Variants in GMPS observed in about 807,000 individuals in gnomAD.
The protein encoded by GMPS is guanosine monophosphate synthase.
In GMPS, 15 loss-of-function variants were observed where a neutral mutation model predicts 77.9. The ratio of observed to expected loss-of-function variants is 0.19; its 90% CI spans 0.13 to 0.30. GMPS has a LOEUF of 0.30. Among genes scored for constraint, GMPS ranks in the 10% least tolerant of loss-of-function variants. GMPS has a pLI of 1.00. For missense variants in GMPS, 590 were observed against 838.8 expected (o/e 0.70, Z 3.66); for synonymous variants, 224 against 275.9 (o/e 0.81, Z 1.86).
Position 155,942,014 on chromosome 3 carries a change from G to C in GMPS, c.*4322G>C, listed in dbSNP as rs1343625796. On this transcript the variant is annotated 3_prime_UTR_variant, in exon 16 of 16. Coordinates refer to ENST00000496455, the MANE Select transcript of GMPS (RefSeq NM_003875.3). ...GATGCGTATTATTACATAACCTGAGGAGTTAAAAAATACAATAACCAGATG... is the reference window on the plus strand; with the variant it reads ...GATGCGTATTATTACATAACCTGAGCAGTTAAAAAATACAATAACCAGATG... 1 of 205,936 alleles carries C rather than the reference G, an allele frequency of 4.9e-6. No individual in the cohort carries two copies. The highest frequency in any genetic ancestry group is 9.9e-6 in the Non-Finnish European group (1 of 101,054). The allele number at this position is 205,936 out of a possible 1,614,324, so 12.8% of individuals were successfully genotyped here.
upstream of GMPS, chr3:155,870,526 C>T (rs1753875165): frequency 4.1e-6 from 1 of 245,198 alleles, no homozygotes; most frequent in African/African-American, 2.2e-5. Context: ...CGCCGCGAGC[C>T]CCTCCTCTCG....
At chr3:155,934,827 C>T in intron 13 of GMPS, 89 bp from the exon 14 acceptor site, 1 of 827,440 alleles carries the variant, frequency 1.2e-6, no homozygotes, top group Admixed American at 2.1e-5. Context: ...AAGAATGTTA[C>T]TGTTCTAAGT....
chr3:155,873,638 C>CTTTTTTTCTTTTTTTTTTT (rs1753955012), intron 1 of GMPS, among the ~76,000 whole-genome samples: 1 of 82,576 alleles, frequency 1.2e-5, no homozygotes, highest in Non-Finnish European at 2.2e-5. Flanking sequence ...TGAGTAAGTT[C>CTTTTTTTCTTTTTTTTTTT]TTTTTTTTTT....
intron 5 of GMPS, 124 bp from the exon 6 acceptor site, chr3:155,910,568 C>CA (rs772197752): frequency 0.093 from 24,654 of 264,076 alleles, 215 homozygotes; most frequent in African/African-American, 0.15. Flanking sequence ...GACTCTGTCT[C>CA]AAAAAAAAAA....
In GMPS at chr3:155,922,209, A is replaced by G; in HGVS notation, c.1341A>G (p.Val447=). ...PFPGPGLAIR[V]ICAEEPYICK... ...TAGGTCCTGGCCTGGCAATCAGAGTAATATGTGCTGAAGAACCTTATATTT... is the reference window on the plus strand; with the variant it reads ...TAGGTCCTGGCCTGGCAATCAGAGTGATATGTGCTGAAGAACCTTATATTT... Residue 447 remains valine, a synonymous_variant, in exon 11 of 16, where the codon GTA becomes GTG. Transcript: ENST00000496455. 4 of 1,540,178 alleles carry G rather than the reference A, an allele frequency of 2.6e-6. No individual in the cohort carries two copies. Among genetic ancestry groups the G allele is most frequent in the Non-Finnish European group, 3.5e-6 (4 of 1,134,284 alleles).
intron 1 of GMPS, among the ~76,000 whole-genome samples, chr3:155,873,638 C>CTT (rs58365650): frequency 6.1e-5 from 5 of 82,574 alleles, no homozygotes; most frequent in East Asian, 7.8e-4. Flanking sequence ...TGAGTAAGTT[C>CTT]TTTTTTTTTT....
In GMPS at chr3:155,882,100, G is replaced by T. The variant is rs373871168; in HGVS notation, c.27+11203G>T. 1.3e-4 allele frequency among the ~76,000 whole-genome samples: 20 copies of T among 152,154 alleles called. No homozygotes were observed. The South Asian group carries it at 1.5e-3, about 11-fold the overall frequency. On this transcript the variant is annotated intron_variant, in intron 1 of 15. Coordinates refer to ENST00000496455, the MANE Select transcript of GMPS (RefSeq NM_003875.3). ...ATAAAAATAAATGAAGACTGATTAA[G>T]ACTTGGTGTACTATGACTTCTGCCC...
rs1560057382 is a variant in GMPS at position 155,940,419 on chromosome 3, AC to A, written c.*2728del. 4.9e-6 allele frequency: 1 copy of A among 206,096 alleles called. No homozygotes were observed. The highest frequency in any genetic ancestry group is 6.0e-5 in the Admixed American group (1 of 16,764). The allele number at this position is 206,096 out of a possible 1,614,324, so 12.8% of individuals were successfully genotyped here. On this transcript the variant is annotated 3_prime_UTR_variant, in exon 16 of 16. Transcript: ENST00000496455. ...TTTAAATCCCTTAATCTTGAGGTAA[AC>A]TGCATGCATTTAGTCAAACAAGCAT...
intron 1 of GMPS, among the ~76,000 whole-genome samples, chr3:155,878,689 A>G (rs1281700172): frequency 6.6e-6 from 1 of 152,200 alleles, no homozygotes; most frequent in Non-Finnish European, 1.5e-5. Context: ...TAATAGATAT[A>G]TATATAGAGA....
chr3:155,906,146 T>G lies in GMPS; in HGVS notation c.423-14T>G. On this transcript the variant is annotated splice_polypyrimidine_tract_variant and intron_variant, in intron 4 of 15. Coordinates refer to ENST00000496455, the MANE Select transcript of GMPS (RefSeq NM_003875.3). ...AATTAAGATATTTGTGTGTTTTATT[T>G]TTTGTATGTTTAGGGGCCTTCAGAA... 1 of 1,468,866 alleles carries G rather than the reference T, an allele frequency of 6.8e-7. No individual in the cohort carries two copies. The highest frequency in any genetic ancestry group is 9.3e-7 in the Non-Finnish European group (1 of 1,072,308). 91.0% of individuals were successfully genotyped at this position (1,468,866 alleles called of 1,614,324 possible).
intron 5 of GMPS, among the ~76,000 whole-genome samples, chr3:155,907,433 A>T (rs530804819): frequency 2.4e-4 from 37 of 152,138 alleles, no homozygotes; most frequent in East Asian, 5.8e-4. Context: ...AAATAATTTT[A>T]AAAAAATTAG....
At chr3:155,895,194 A>G (rs1754572517) in intron 2 of GMPS, among the ~76,000 whole-genome samples, 2 of 152,200 alleles carry the variant, frequency 1.3e-5, no homozygotes, top group South Asian at 2.1e-4. Context: ...TAGAAACTAT[A>G]CTGCTGTGGC....
rs1755850727 is a variant in GMPS, at chr3:155,939,927, G to A, written c.*2235G>A. On this transcript the variant is annotated 3_prime_UTR_variant, in exon 16 of 16. Transcript: ENST00000496455. ...AGTTAAGAAAACAAGCTCACCTTAG[G>A]CATGGTTACTTAATTAATTTCAGAA... 1 of 202,004 alleles carries A rather than the reference G, an allele frequency of 5.0e-6. No individual in the cohort carries two copies. The highest frequency in any genetic ancestry group is 1.0e-5 in the Non-Finnish European group (1 of 98,308). 12.5% of individuals were successfully genotyped at this position (202,004 alleles called of 1,614,324 possible).
At chr3:155,893,344 G>A (rs917683516) in intron 1 of GMPS, among the ~76,000 whole-genome samples, 174 bp from the exon 2 acceptor site, 2 of 152,072 alleles carry the variant, frequency 1.3e-5, no homozygotes, top group Non-Finnish European at 1.5e-5. Context: ...GCCCATGCAT[G>A]GATATATATT....
At chr3:155,922,917 G>A (rs568617747) in intron 11 of GMPS, among the ~76,000 whole-genome samples, 23 of 152,148 alleles carry the variant, frequency 1.5e-4, no homozygotes, top group Non-Finnish European at 2.4e-4. Context: ...ATGGGAGTTA[G>A]GCAAGGAAAA....
At chr3:155,937,094 C>T (rs2108154324) in intron 15 of GMPS, among the ~76,000 whole-genome samples, 1 of 152,298 alleles carries the variant, frequency 6.6e-6, no homozygotes, top group South Asian at 2.1e-4. Flanking sequence ...TCATTTTTCT[C>T]TTAGGCTCAA....
chr3:155,888,886 A>G (rs1754401144), intron 1 of GMPS, among the ~76,000 whole-genome samples: 1 of 150,892 alleles, frequency 6.6e-6, no homozygotes, highest in African/African-American at 2.4e-5. Flanking sequence ...CACCTGGCCT[A>G]ATTTTTGTAT....
At chr3:155,928,913 CA>C (rs1755527253) in intron 12 of GMPS, among the ~76,000 whole-genome samples, 1 of 151,186 alleles carries the variant, frequency 6.6e-6, no homozygotes, top group African/African-American at 2.4e-5. Flanking sequence ...ATATGTGCCA[CA>C]TTTTCTTAAT....
chr3:155,888,225 T>TA (rs1157670622), intron 1 of GMPS, among the ~76,000 whole-genome samples: 9 of 134,266 alleles, frequency 6.7e-5, no homozygotes, highest in Admixed American at 5.4e-4. Flanking sequence ...TTTTTTTTTT[T>TA]AATCCAGTAA....
Sources: gnomAD v4.1 joint callset for allele counts (sites outside exome capture counted in the v4.1 genomes callset) on GRCh38, gnomAD v4.1.1 for gene constraint, MANE v1.5 for transcripts, NCBI Gene and HGNC (gene_info 2026-07-23, HGNC 2026-07-21) for gene names.